CPPED1: variants seen among roughly 807,000 people sequenced by gnomAD.
The protein encoded by CPPED1 is serine/threonine-protein phosphatase CPPED1.
In CPPED1, 28 loss-of-function variants were observed where a neutral mutation model predicts 28.0. The ratio of observed to expected loss-of-function variants is 1.00; its 90% CI spans 0.74 to 1.37. The LOEUF (loss-of-function observed/expected upper bound fraction) is 1.37. Ranked by LOEUF, CPPED1 falls within the 40% of genes most tolerant of loss-of-function variation. The pLI, the probability that CPPED1 is intolerant of heterozygous loss-of-function variation, is 0.00. For missense variants in CPPED1, 504 were observed against 416.5 expected (o/e 1.21, Z -1.83); for synonymous variants, 198 against 180.2 (o/e 1.10, Z -0.79).
At chr16:12,741,613 T>G (rs1440213368) in intron 2 of CPPED1, among the ~76,000 whole-genome samples, 2 of 152,120 alleles carry the variant, frequency 1.3e-5, no homozygotes, top group Admixed American at 6.5e-5. Flanking sequence ...AGAAGCCCCT[T>G]TATGGACAAA....
At position 12,662,136 on chromosome 16, in the gene CPPED1, C is replaced by CAT. The variant is rs2079798445; in HGVS notation, c.*2748_*2749dup. 2 of 152,172 alleles carry CAT rather than the reference C, an allele frequency of 1.3e-5. No homozygotes were observed. The highest frequency in any genetic ancestry group is 4.1e-4 in the South Asian group (2 of 4,828). The allele number at this position is 152,172 out of a possible 1,614,324, so 9.4% of individuals were successfully genotyped here. On this transcript the variant is annotated 3_prime_UTR_variant, in exon 4 of 4. Coordinates refer to ENST00000381774, the MANE Select transcript of CPPED1 (RefSeq NM_018340.3). ...AAAACACATAATAAACATTCAAAAC[C>CAT]ATAGCACTTAGAATCAGGAAGTCCT...
At chr16:12,739,712 GCAA>G (rs1462446689) in intron 2 of CPPED1, among the ~76,000 whole-genome samples, 1 of 152,200 alleles carries the variant, frequency 6.6e-6, no homozygotes, top group Non-Finnish European at 1.5e-5. Context: ...GGATGCCAAA[GCAA>G]CAACATGGTT....
At chr16:12,734,132 C>T (rs1304247421) in intron 2 of CPPED1, among the ~76,000 whole-genome samples, 21 of 132,016 alleles carry the variant, frequency 1.6e-4, no homozygotes, top group East Asian at 9.6e-4. Context: ...TGCAGTGGCA[C>T]GATCTCGGGT....
chr16:12,733,685 A>G (rs2080211282), intron 2 of CPPED1, among the ~76,000 whole-genome samples: 1 of 152,218 alleles, frequency 6.6e-6, no homozygotes, highest in Non-Finnish European at 1.5e-5. Flanking sequence ...AATTCAATAC[A>G]TAACAGTAAG....
At chr16:12,738,801 C>T (rs1389616552) in intron 2 of CPPED1, among the ~76,000 whole-genome samples, 2 of 152,088 alleles carry the variant, frequency 1.3e-5, no homozygotes, top group South Asian at 2.1e-4. Flanking sequence ...TATAAAATCA[C>T]CCCAAATTAC....
At chr16:12,692,716 C>T (rs563320032) in intron 3 of CPPED1, among the ~76,000 whole-genome samples, 79 of 152,352 alleles carry the variant, frequency 5.2e-4, no homozygotes, top group African/African-American at 1.9e-3. Context: ...CTGACCATGT[C>T]TCTCAAGAAG....
intron 3 of CPPED1, among the ~76,000 whole-genome samples, chr16:12,677,781 A>G (rs867276683): frequency 3.9e-5 from 6 of 152,252 alleles, no homozygotes; most frequent in African/African-American, 1.4e-4. Context: ...CTAGCATGGC[A>G]TCTTAAAGAC....
chr16:12,777,342 G>C (rs1337605194), intron 2 of CPPED1, among the ~76,000 whole-genome samples: 1 of 152,192 alleles, frequency 6.6e-6, no homozygotes. Context: ...ATCATGTTCT[G>C]ATTTGTCAGC....
chr16:12,782,513 G>A (rs2080537999), intron 1 of CPPED1, among the ~76,000 whole-genome samples: 1 of 151,018 alleles, frequency 6.6e-6, no homozygotes, highest in African/African-American at 2.4e-5. Flanking sequence ...AGCGCTTAGT[G>A]GTGGGACAGA....
intron 2 of CPPED1, among the ~76,000 whole-genome samples, chr16:12,771,660 A>C (rs1403638791): frequency 6.6e-6 from 1 of 152,224 alleles, no homozygotes; most frequent in Non-Finnish European, 1.5e-5. Flanking sequence ...AATTATGTTC[A>C]TGGGTTTGTG....
chr16:12,679,471 T>C (rs1438632875), intron 3 of CPPED1, among the ~76,000 whole-genome samples: 1 of 152,220 alleles, frequency 6.6e-6, no homozygotes. Flanking sequence ...GAAATCCCTA[T>C]TCCTGTTTTA....
chr16:12,779,826 G>A (rs111896509), intron 2 of CPPED1, among the ~76,000 whole-genome samples: 586 of 152,148 alleles, frequency 3.9e-3, no homozygotes, highest in Non-Finnish European at 6.4e-3. Context: ...TCAGAGCCTC[G>A]GTTTACAAGG....
intron 3 of CPPED1, among the ~76,000 whole-genome samples, chr16:12,679,147 A>G (rs1308877977): frequency 3.3e-5 from 5 of 152,210 alleles, no homozygotes. Context: ...CCTAAAGTAA[A>G]TATTTGTTTA....
At chr16:12,688,553 G>A (rs994162224) in intron 3 of CPPED1, among the ~76,000 whole-genome samples, 1 of 152,098 alleles carries the variant, frequency 6.6e-6, no homozygotes, top group African/African-American at 2.4e-5. Flanking sequence ...TGGCCAGGCT[G>A]GTCTCGAACT....
intron 3 of CPPED1, among the ~76,000 whole-genome samples, chr16:12,690,359 C>A (rs1054653135): frequency 6.6e-6 from 1 of 151,316 alleles, no homozygotes; most frequent in South Asian, 2.1e-4. Flanking sequence ...ATTGAAAATA[C>A]AAAAATTAGC....
Position 12,665,106 on chromosome 16 carries a change from A to T in CPPED1, c.725T>A (p.Val242Asp). 1 of 1,596,812 alleles carries T rather than the reference A, an allele frequency of 6.3e-7. No individual in the cohort carries two copies. Among genetic ancestry groups the T allele is most frequent in the South Asian group, 1.1e-5 (1 of 88,502 alleles). ...ADKFIHAGVK[V>D]VFSGHYHRNA... ...CCTGTGGTAGTGGCCTGAGAACACG[A>T]CTTTGACACCTGCAGAGAAGGGAAA... The change falls in exon 4 of 4, where the codon GTC (valine) becomes GAC (aspartate). Residue 242 changes from valine to aspartate, a missense_variant. By Grantham distance (152) the Val-to-Asp change is radical (BLOSUM62 -3). Transcript: ENST00000381774.
chr16:12,725,930 G>A (rs1446144733), intron 2 of CPPED1, among the ~76,000 whole-genome samples: 2 of 152,206 alleles, frequency 1.3e-5, no homozygotes, highest in Non-Finnish European at 2.9e-5. Flanking sequence ...AGTGGCTCAT[G>A]CCTATAATCC....
At chr16:12,758,279 T>C (rs2080385090) in intron 2 of CPPED1, among the ~76,000 whole-genome samples, 1 of 152,202 alleles carries the variant, frequency 6.6e-6, no homozygotes, top group South Asian at 2.1e-4. Context: ...GCTGTACAGA[T>C]AAGGAAGCAG....
intron 3 of CPPED1, among the ~76,000 whole-genome samples, chr16:12,672,305 T>C (rs539050355): frequency 3.3e-5 from 5 of 152,298 alleles, no homozygotes; most frequent in African/African-American, 9.6e-5. Flanking sequence ...CCTTCAGAAA[T>C]CCCCAGGGAA....
Sources: gnomAD v4.1 joint callset for allele counts (sites outside exome capture counted in the v4.1 genomes callset) on GRCh38, gnomAD v4.1.1 for gene constraint, MANE v1.5 for transcripts, NCBI Gene and HGNC (gene_info 2026-07-23, HGNC 2026-07-21) for gene names.